GAREM1: variants seen among roughly 807,000 people sequenced by gnomAD.
The protein encoded by GAREM1 is GRB2 associated regulator of MAPK1 subtype 1.
A neutral mutation model predicts 71.3 loss-of-function variants in GAREM1; 26 were observed. The observed-to-expected ratio is 0.36, with a 90% CI of 0.27 to 0.51. GAREM1 has a LOEUF of 0.51. GAREM1 is among the 20% of genes least tolerant of loss of function. GAREM1 has a pLI of 0.95. For synonymous variants in GAREM1, 440 were observed against 433.2 expected (o/e 1.02, Z -0.20); for missense variants, 1,026 against 1,103.1 (o/e 0.93, Z 0.99).
intron 2 of GAREM1, among the ~76,000 whole-genome samples, chr18:32,364,838 G>A (rs143483909): frequency 3.1e-3 from 472 of 151,862 alleles, no homozygotes; most frequent in African/African-American, 0.011. Context: ...TTTTAAATAC[G>A]AGAATGTACC....
chr18:32,422,507 A>G (rs984271783), intron 1 of GAREM1, among the ~76,000 whole-genome samples: 1 of 152,206 alleles, frequency 6.6e-6, no homozygotes, highest in African/African-American at 2.4e-5. Flanking sequence ...GTACTTAATA[A>G]TGATGCTCAA....
chr18:32,289,916 T>C lies in GAREM1; in HGVS notation c.394-1713A>G, dbSNP rs1256747837. Among the ~76,000 whole-genome samples the C allele has an allele frequency of 2.0e-5, 3 of 152,166 alleles. No homozygotes were observed. The East Asian group carries it at 5.8e-4, about 29-fold the overall frequency. Reference sequence around the variant, plus strand: ...ATACTTTGCTATGTATCTCTATTTTTTGAATCCTAACCACTAGCCCAACAG... The same window carrying C: ...ATACTTTGCTATGTATCTCTATTTTCTGAATCCTAACCACTAGCCCAACAG... On this transcript the variant is annotated intron_variant, in intron 3 of 5. Transcript: ENST00000269209.
At chr18:32,283,850 A>G (rs2046980394) in intron 4 of GAREM1, among the ~76,000 whole-genome samples, 1 of 152,134 alleles carries the variant, frequency 6.6e-6, no homozygotes, top group African/African-American at 2.4e-5. Context: ...TGGGAGGAAG[A>G]CACCCTTTCT....
At chr18:32,428,934 T>G (rs116504709) in intron 1 of GAREM1, among the ~76,000 whole-genome samples, 2,021 of 123,936 alleles carry the variant, frequency 0.016, 36 homozygotes, top group African/African-American at 0.068. Context: ...GTAGTTCAAG[T>G]TTTTTTTTTT....
intron 3 of GAREM1, among the ~76,000 whole-genome samples, chr18:32,303,840 G>C (rs530602566): frequency 6.6e-6 from 1 of 152,246 alleles, no homozygotes; most frequent in South Asian, 2.1e-4. Context: ...AGGATCACTT[G>C]CGCCCAGGAG....
rs957151037 is a variant in GAREM1, at chr18:32,267,975, G to A, written c.2527C>T (p.Leu843Phe). The A allele has an allele frequency of 4.6e-5, 74 of 1,613,688 alleles. No individual in the cohort carries two copies. The highest frequency in any genetic ancestry group is 6.0e-5 in the Non-Finnish European group (71 of 1,179,774). The part of the protein sequence containing the change: ...FVTEKIDGNL[L>F]VQLTEEILSE... ...AGGATTTCTTCCGTTAGCTGAACAAGCAGGTTCCCATCAATCTTTTCAGTA... is the reference window on the plus strand; with the variant it reads ...AGGATTTCTTCCGTTAGCTGAACAAACAGGTTCCCATCAATCTTTTCAGTA... Residue 843 changes from leucine to phenylalanine, a missense_variant, in exon 6 of 6, where the codon CTT becomes TTT. Leu to Phe is a conservative substitution (Grantham distance 22). This residue lies in a region of GAREM1 where 636 missense variants were observed against 631.2 expected (regional missense o/e 1.01). Transcript: ENST00000269209.
chr18:32,463,702 T>A (rs1446920304), intron 1 of GAREM1, among the ~76,000 whole-genome samples: 1 of 151,574 alleles, frequency 6.6e-6, no homozygotes, highest in Non-Finnish European at 1.5e-5. Flanking sequence ...CCCGAGTAGC[T>A]GGGACTACAG....
At chr18:32,283,630 A>G (rs973266325) in intron 4 of GAREM1, among the ~76,000 whole-genome samples, 2 of 152,212 alleles carry the variant, frequency 1.3e-5, no homozygotes, top group Admixed American at 1.3e-4. Context: ...ACAATTCTAG[A>G]GCATCAAATA....
chr18:32,371,224 G>A (rs2047975582), intron 2 of GAREM1, among the ~76,000 whole-genome samples: 1 of 152,170 alleles, frequency 6.6e-6, no homozygotes, highest in African/African-American at 2.4e-5. Context: ...CCAGGCCAGG[G>A]AGCACCTACT....
In GAREM1 at chr18:32,267,715, TCAC is replaced by T; in HGVS notation, c.*153_*155del. On this transcript the variant is annotated 3_prime_UTR_variant, in exon 6 of 6. Transcript: ENST00000269209. ...TTTATTGATGTACAAAATAGCCTGTTCACCATTCAAAAACGTAATCTGCATAGT... is the reference window on the plus strand; with the variant it reads ...TTTATTGATGTACAAAATAGCCTGTTCATTCAAAAACGTAATCTGCATAGT... 1 of 614,592 alleles carries T rather than the reference TCAC, an allele frequency of 1.6e-6. No individual in the cohort carries two copies. The highest frequency in any genetic ancestry group is 2.8e-6 in the Non-Finnish European group (1 of 352,848). 38.1% of individuals were successfully genotyped at this position (614,592 alleles called of 1,614,324 possible). A position where few individuals can be genotyped will look rare whatever the true frequency, so the allele number is the denominator to read the frequency against.
At chr18:32,349,897 C>T (rs545519274) in intron 2 of GAREM1, among the ~76,000 whole-genome samples, 3 of 152,150 alleles carry the variant, frequency 2.0e-5, no homozygotes, top group Non-Finnish European at 4.4e-5. Flanking sequence ...GACATTTGCT[C>T]GAGTCCAGGG....
At chr18:32,321,864 T>C (rs556185113) in intron 2 of GAREM1, among the ~76,000 whole-genome samples, 17 of 152,306 alleles carry the variant, frequency 1.1e-4, no homozygotes, top group African/African-American at 3.6e-4. Context: ...CCCTACACCA[T>C]TGCTTAAAAT....
intron 1 of GAREM1, among the ~76,000 whole-genome samples, chr18:32,444,442 G>A (rs1191703080): frequency 6.6e-6 from 1 of 152,108 alleles, no homozygotes; most frequent in Non-Finnish European, 1.5e-5. Flanking sequence ...TAAGTGCATG[G>A]CTAGGGTGCT....
intron 4 of GAREM1, among the ~76,000 whole-genome samples, chr18:32,274,124 G>A (rs1022574770): frequency 6.6e-6 from 1 of 152,112 alleles, no homozygotes; most frequent in Admixed American, 6.5e-5. Flanking sequence ...GTTGCTGCAT[G>A]GGTGGCCGCT....
intron 2 of GAREM1, among the ~76,000 whole-genome samples, chr18:32,365,885 G>A (rs1442186950): frequency 6.6e-6 from 1 of 152,098 alleles, no homozygotes; most frequent in Non-Finnish European, 1.5e-5. Flanking sequence ...AGTTAAATGA[G>A]GCAATTCCAT....
intron 2 of GAREM1, among the ~76,000 whole-genome samples, chr18:32,337,487 C>G (rs1423753601): frequency 5.3e-5 from 8 of 152,170 alleles, no homozygotes; most frequent in African/African-American, 1.9e-4. Context: ...TGCGCTATTA[C>G]CCGGCTTATC....
At chr18:32,419,234 TAGGGAAATCTCTTCCATTCAA>T (rs1483406639) in intron 1 of GAREM1, among the ~76,000 whole-genome samples, 1 of 152,144 alleles carries the variant, frequency 6.6e-6, no homozygotes, top group African/African-American at 2.4e-5. Context: ...TGTGACCAAC[TAGGGAAATCTCTTCCATTCAA>T]AGGGCTTGCC....
intron 1 of GAREM1, among the ~76,000 whole-genome samples, chr18:32,398,616 GGAA>G (rs1420529517): frequency 6.6e-6 from 1 of 152,136 alleles, no homozygotes; most frequent in Non-Finnish European, 1.5e-5. Context: ...GACTAAACCA[GGAA>G]GAAGTTGAAT....
intron 3 of GAREM1, among the ~76,000 whole-genome samples, chr18:32,299,206 A>C (rs1029701529): frequency 7.9e-5 from 12 of 152,168 alleles, no homozygotes; most frequent in Non-Finnish European, 1.5e-4. Context: ...ATTAAAAAAA[A>C]CTGGAAAATA....
Sources: gnomAD v4.1 joint callset for allele counts (sites outside exome capture counted in the v4.1 genomes callset) on GRCh38, gnomAD v4.1.1 for gene constraint, gnomAD v4.1.1 regional missense constraint, MANE v1.5 for transcripts, NCBI Gene and HGNC (gene_info 2026-07-23, HGNC 2026-07-21) for gene names.